The following TPH2 variants were observed in gnomAD, a reference collection of about 807,000 sequenced individuals.
TPH2 encodes the protein tryptophan hydroxylase 2, also known as tryptophan 5-hydroxylase 2.
TPH2 carries 27 observed loss-of-function variants against 59.1 expected under a neutral mutation model. The observed-to-expected ratio is 0.46, with a 90% CI of 0.34 to 0.63. The LOEUF (loss-of-function observed/expected upper bound fraction) is 0.63. Among genes scored for constraint, TPH2 ranks in the 30% least tolerant of loss-of-function variants. TPH2 has a pLI of 0.01. For synonymous variants in TPH2, 220 were observed against 210.5 expected, an observed-to-expected ratio of 1.05 and a Z score of -0.39; for missense variants, 523 against 588.3, an observed-to-expected ratio of 0.89 and a Z score of 1.15.
chr12:71,960,453 C>T (rs1390637455), intron 5 of TPH2, among the ~76,000 whole-genome samples: 1 of 152,202 alleles, frequency 6.6e-6, no homozygotes, highest in Non-Finnish European at 1.5e-5. Flanking sequence ...ATTTAAAATA[C>T]TTCAGGCTTT....
intron 8 of TPH2, among the ~76,000 whole-genome samples, chr12:71,997,644 C>T (rs777852560): frequency 2.0e-5 from 3 of 152,024 alleles, no homozygotes; most frequent in Non-Finnish European, 2.9e-5. Context: ...TTTTTCTCTC[C>T]CTCTCTCTTT....
rs1873446335 is a variant in TPH2, at chr12:72,022,493, A to G, written c.1163A>G (p.Lys388Arg). The change falls in exon 9 of 11, where the codon AAG (lysine) becomes AGG (arginine). Residue 388 changes from lysine (K) to arginine (R), a missense_variant and splice_region_variant. Physicochemically the swap from Lys to Arg is conservative, Grantham distance 26. Coordinates refer to ENST00000333850, the MANE Select transcript of TPH2 (RefSeq NM_173353.4). ...AGLLSSIGEL[K>R]HALSDKACVK... is the part of the protein sequence containing the mutation. Reference sequence around the variant, plus strand: ...CTCCTTTCCTCCATTGGAGAATTAAAGGTATGAAGCTGTGAATGAAAATAC... The same window carrying G: ...CTCCTTTCCTCCATTGGAGAATTAAGGGTATGAAGCTGTGAATGAAAATAC... 6.2e-7 allele frequency: 1 copy of G among 1,609,338 alleles called. No homozygotes were observed. The highest frequency in any genetic ancestry group is 2.2e-5 in the East Asian group (1 of 44,850).
At chr12:71,955,752 T>A (rs1871477076) in intron 5 of TPH2, among the ~76,000 whole-genome samples, 1 of 152,190 alleles carries the variant, frequency 6.6e-6, no homozygotes, top group Non-Finnish European at 1.5e-5. Context: ...TGATCTCTTC[T>A]TTTTGTCTGT....
intron 5 of TPH2, among the ~76,000 whole-genome samples, chr12:71,954,937 A>G (rs551163874): frequency 9.5e-4 from 145 of 152,236 alleles, no homozygotes; most frequent in African/African-American, 3.1e-3. Context: ...GTTTGCTTAA[A>G]TTGATTTTGA....
At chr12:72,011,751 TG>T (rs1282756576) in intron 8 of TPH2, among the ~76,000 whole-genome samples, 2 of 152,192 alleles carry the variant, frequency 1.3e-5, no homozygotes, top group African/African-American at 4.8e-5. Context: ...ACAAAACTGC[TG>T]CCTAACTTCT....
chr12:72,023,916 C>G (rs571993470), intron 9 of TPH2, among the ~76,000 whole-genome samples: 34 of 151,346 alleles, frequency 2.2e-4, no homozygotes, highest in Non-Finnish European at 5.9e-5. Context: ...CCATGTAATG[C>G]TCATAAGAAC....
chr12:72,030,296 G>A (rs1490376693), intron 9 of TPH2, among the ~76,000 whole-genome samples: 3 of 152,122 alleles, frequency 2.0e-5, no homozygotes, highest in Non-Finnish European at 4.4e-5. Context: ...CCTTTAAAAT[G>A]AAGATTTCTA....
At chr12:71,962,503 T>C (rs1186494092) in intron 5 of TPH2, 18 of 984,940 alleles carry the variant, frequency 1.8e-5, no homozygotes, top group Non-Finnish European at 2.2e-5. Flanking sequence ...AAGAAACCCT[T>C]ATATGTAAAT....
chr12:71,941,090 G>A (rs1871048722), intron 1 of TPH2, among the ~76,000 whole-genome samples: 1 of 152,160 alleles, frequency 6.6e-6, no homozygotes, highest in East Asian at 1.9e-4. Context: ...TTCTGGGCAT[G>A]TGCTGACATA....
intron 4 of TPH2, among the ~76,000 whole-genome samples, chr12:71,948,546 C>T (rs1329912100): frequency 6.6e-6 from 1 of 152,196 alleles, no homozygotes; most frequent in Non-Finnish European, 1.5e-5. Flanking sequence ...GAGTTTGAGG[C>T]TCCTCTTGAG....
In TPH2 at chr12:72,031,512, A is replaced by G; in HGVS notation, c.1299-9A>G. The G allele has an allele frequency of 3.1e-6, 5 of 1,613,292 alleles. No homozygotes were observed. The highest frequency in any genetic ancestry group is 3.4e-6 in the Non-Finnish European group (4 of 1,179,572). On this transcript the variant is annotated splice_polypyrimidine_tract_variant and intron_variant, in intron 10 of 10. Transcript: ENST00000333850. The stretch of plus-strand genomic sequence containing the variant: ...ATCACATCTCTTTCTACTTCTGTTT[A>G]TTCTGCAGGGACTTTGCAAAGTCAA...
chr12:71,991,108 G>A (rs1366098492), intron 7 of TPH2, among the ~76,000 whole-genome samples: 2 of 152,184 alleles, frequency 1.3e-5, no homozygotes, highest in Non-Finnish European at 2.9e-5. Flanking sequence ...TTCTGATAAT[G>A]ACGTCTTAAC....
chr12:71,984,626 C>T (rs1872378972), intron 7 of TPH2, among the ~76,000 whole-genome samples: 1 of 152,164 alleles, frequency 6.6e-6, no homozygotes, highest in Admixed American at 6.5e-5. Context: ...CTGTGTTTAG[C>T]TTAAACTTGT....
chr12:71,988,941 A>G (rs1391122872), intron 7 of TPH2, among the ~76,000 whole-genome samples: 1 of 152,166 alleles, frequency 6.6e-6, no homozygotes, highest in African/African-American at 2.4e-5. Flanking sequence ...ACAAATAGGC[A>G]CACAATGAAC....
chr12:71,979,067 T>C lies in TPH2; in HGVS notation c.921T>C (p.Asp307=), dbSNP rs759677677. The C allele has an allele frequency of 6.2e-7, 1 of 1,614,072 alleles. No homozygotes were observed. The highest frequency in any genetic ancestry group is 8.5e-7 in the Non-Finnish European group (1 of 1,180,002). ...CCCAGTACATCCGGCATGGCTCAGATCCCCTCTACACCCCAGAACCGTGAG... is the reference window on the plus strand; with the variant it reads ...CCCAGTACATCCGGCATGGCTCAGACCCCCTCTACACCCCAGAACCGTGAG... ...HCTQYIRHGS[D]PLYTPEPDTC... Residue 307 remains aspartate, a synonymous_variant, in exon 7 of 11, where the codon GAT becomes GAC. Coordinates refer to ENST00000333850, the MANE Select transcript of TPH2 (RefSeq NM_173353.4).
Position 71,945,299 on chromosome 12 carries a change from T to C in TPH2, c.540+613T>C, listed in dbSNP as rs1369904897. Among the ~76,000 whole-genome samples, 3 of 152,170 alleles carry C rather than the reference T, an allele frequency of 2.0e-5. No individual in the cohort carries two copies. The East Asian group carries it at 5.8e-4, about 29-fold the overall frequency. ...TGATACTTGGGTAAGCATTTCCCATTATTCTCCCCTTCCCCCTTTTACATC... is the reference window on the plus strand; with the variant it reads ...TGATACTTGGGTAAGCATTTCCCATCATTCTCCCCTTCCCCCTTTTACATC... On this transcript the variant is annotated intron_variant, in intron 4 of 10. Coordinates refer to ENST00000333850, the MANE Select transcript of TPH2 (RefSeq NM_173353.4).
chr12:72,027,273 C>T (rs1873597254), intron 9 of TPH2, among the ~76,000 whole-genome samples: 1 of 152,166 alleles, frequency 6.6e-6, no homozygotes, highest in Non-Finnish European at 1.5e-5. Flanking sequence ...TTTCAGACCC[C>T]TGAGGGAGAA....
intron 6 of TPH2, among the ~76,000 whole-genome samples, chr12:71,976,042 C>T (rs1366422445): frequency 6.6e-6 from 1 of 152,210 alleles, no homozygotes; most frequent in Non-Finnish European, 1.5e-5. Context: ...GGTATAGTGG[C>T]TTGGACCATA....
At chr12:71,949,521 T>A in intron 4 of TPH2, 67 bp from the exon 5 acceptor site, 1 of 1,348,136 alleles carries the variant, frequency 7.4e-7, no homozygotes, top group Non-Finnish European at 1.1e-6. Flanking sequence ...ACAGTGATTT[T>A]CTTTTAGGTC....
Sources: gnomAD v4.1 joint callset for allele counts (sites outside exome capture counted in the v4.1 genomes callset) on GRCh38, gnomAD v4.1.1 for gene constraint, MANE v1.5 for transcripts, NCBI Gene and HGNC (gene_info 2026-07-23, HGNC 2026-07-21) for gene names.